The following TENM3 variants were observed in gnomAD, a reference collection of about 807,000 sequenced individuals.
The protein encoded by TENM3 is teneurin transmembrane protein 3, also known as teneurin-3.
In TENM3, 63 loss-of-function variants were observed where a neutral mutation model predicts 255.1. The observed-to-expected ratio is 0.25, with a 90% CI of 0.20 to 0.30. The LOEUF (loss-of-function observed/expected upper bound fraction) is 0.30, where lower values mean the gene tolerates loss of function less well. Ranked by LOEUF, TENM3 falls within the 10% of genes least tolerant of loss-of-function variation. The probability of loss-of-function intolerance (pLI) is 1.00; values close to 1 mark genes in which losing one functional copy is unlikely to be tolerated. For missense variants in TENM3, 2,929 were observed against 3,461.1 expected (o/e 0.85, Z 3.86); for synonymous variants, 1,306 against 1,322.3 (o/e 0.99, Z 0.27).
intron 1 of TENM3, among the ~76,000 whole-genome samples, chr4:182,231,905 T>C (rs1756608821): frequency 6.6e-6 from 1 of 152,214 alleles, no homozygotes; most frequent in Admixed American, 6.5e-5. Context: ...GGGAAAATAA[T>C]GGCTGGAAAG....
intron 1 of TENM3, among the ~76,000 whole-genome samples, chr4:182,217,014 T>C (rs1379757341): frequency 3.6e-4 from 11 of 30,508 alleles, no homozygotes; most frequent in South Asian, 1.1e-3. Flanking sequence ...TCTTTCTTTT[T>C]TTTTTTTTTT....
the TENM3 span, among the ~76,000 whole-genome samples, chr4:181,645,605 T>G: frequency 6.6e-6 from 1 of 152,172 alleles, no homozygotes; most frequent in African/African-American, 2.4e-5. Context: ...GGGGGAGTGA[T>G]GGAACCTCTC....
chr4:182,503,575 C>T (rs1736528959), intron 3 of TENM3, among the ~76,000 whole-genome samples: 1 of 152,176 alleles, frequency 6.6e-6, no homozygotes, highest in Admixed American at 6.5e-5. Context: ...TTGGCAGTGG[C>T]ATTCCTGGGA....
chr4:182,636,910 T>C (rs1389169427), intron 5 of TENM3, among the ~76,000 whole-genome samples: 1 of 152,204 alleles, frequency 6.6e-6, no homozygotes, highest in African/African-American at 2.4e-5. Context: ...AAGTTTTCTC[T>C]GTTTTAAACT....
chr4:182,049,592 C>T, the TENM3 span, among the ~76,000 whole-genome samples: 7 of 152,296 alleles, frequency 4.6e-5, no homozygotes, highest in African/African-American at 1.2e-4. Flanking sequence ...TGACATGAGC[C>T]GTATCCCTGC....
chr4:181,981,954 G>A, the TENM3 span, among the ~76,000 whole-genome samples: 1 of 152,182 alleles, frequency 6.6e-6, no homozygotes, highest in Non-Finnish European at 1.5e-5. Flanking sequence ...ATAACCCATA[G>A]CCTGGAATCA....
chr4:182,414,965 C>T (rs1438612453), intron 3 of TENM3, among the ~76,000 whole-genome samples: 1 of 152,180 alleles, frequency 6.6e-6, no homozygotes, highest in Non-Finnish European at 1.5e-5. Context: ...CAGTTGATTT[C>T]ACTTGTGCTA....
intron 3 of TENM3, among the ~76,000 whole-genome samples, chr4:182,440,912 ATAT>A (rs1322560953): frequency 6.6e-6 from 1 of 151,836 alleles, no homozygotes; most frequent in Non-Finnish European, 1.5e-5. Flanking sequence ...TTTGTTGTAG[ATAT>A]TATCCCATCA....
chr4:182,660,599 G>C (rs962234637), intron 6 of TENM3, among the ~76,000 whole-genome samples: 21 of 152,310 alleles, frequency 1.4e-4, no homozygotes, highest in Non-Finnish European at 7.3e-5. Flanking sequence ...ATTTTAAGAA[G>C]ACACTTCTGC....
chr4:181,668,028 C>T, the TENM3 span, among the ~76,000 whole-genome samples: 1 of 152,204 alleles, frequency 6.6e-6, no homozygotes, highest in Non-Finnish European at 1.5e-5. Flanking sequence ...TGCGCTAGAA[C>T]ATAAGCACCA....
the TENM3 span, among the ~76,000 whole-genome samples, chr4:181,772,894 T>C: frequency 1.2e-4 from 18 of 152,202 alleles, no homozygotes; most frequent in South Asian, 1.0e-3. Context: ...TGGCAGAGAA[T>C]GCCCTGCAAT....
chr4:182,014,063 C>T, the TENM3 span, among the ~76,000 whole-genome samples: 3 of 56,974 alleles, frequency 5.3e-5, no homozygotes, highest in East Asian at 6.9e-4. Flanking sequence ...CGTGTATATA[C>T]GTATATACAC....
At chr4:181,558,873 A>G in the TENM3 span, among the ~76,000 whole-genome samples, 1 of 152,238 alleles carries the variant, frequency 6.6e-6, no homozygotes, top group African/African-American at 2.4e-5. Flanking sequence ...TATTGTAACC[A>G]TGGCTTAATA....
the TENM3 span, among the ~76,000 whole-genome samples, chr4:181,622,472 T>C: frequency 6.6e-6 from 1 of 152,088 alleles, no homozygotes; most frequent in South Asian, 2.1e-4. Flanking sequence ...GGTCAGGAGT[T>C]TCAGACCAGC....
intron 3 of TENM3, among the ~76,000 whole-genome samples, chr4:182,372,663 T>A (rs1766917532): frequency 6.6e-6 from 1 of 152,022 alleles, no homozygotes; most frequent in African/African-American, 2.4e-5. Context: ...AAAAAAAAAA[T>A]AATCCATCCA....
At chr4:182,178,974 C>T (rs1352899721) in intron 1 of TENM3, among the ~76,000 whole-genome samples, 6 of 152,174 alleles carry the variant, frequency 3.9e-5, no homozygotes, top group Admixed American at 3.9e-4. Context: ...TAAGTGAAAT[C>T]TGCTGTTTTC....
At chr4:181,540,199 C>A in the TENM3 span, among the ~76,000 whole-genome samples, 1 of 152,100 alleles carries the variant, frequency 6.6e-6, no homozygotes, top group East Asian at 1.9e-4. Flanking sequence ...TCCCCAGAGG[C>A]CAAAGCTGAA....
intron 3 of TENM3, among the ~76,000 whole-genome samples, chr4:182,393,319 A>G (rs1024667547): frequency 6.6e-6 from 1 of 152,220 alleles, no homozygotes; most frequent in African/African-American, 2.4e-5. Flanking sequence ...AACAAAAGGC[A>G]GAATGCGATG....
chr4:182,017,216 C>T, the TENM3 span, among the ~76,000 whole-genome samples: 2 of 152,272 alleles, frequency 1.3e-5, no homozygotes, highest in African/African-American at 4.8e-5. Context: ...GCCCTCCTGG[C>T]CATGTCTATC....
Sources: gnomAD v4.1 joint callset for allele counts (sites outside exome capture counted in the v4.1 genomes callset) on GRCh38, gnomAD v4.1.1 for gene constraint, MANE v1.5 for transcripts, NCBI Gene and HGNC (gene_info 2026-07-23, HGNC 2026-07-21) for gene names.